ZNF423: variants seen among roughly 807,000 people sequenced by gnomAD.
ZNF423 encodes the protein Ebf-associated zinc finger protein.
A neutral mutation model predicts 95.8 loss-of-function variants in ZNF423; 12 were observed. That is an observed-to-expected ratio of 0.13 (90% CI 0.08 to 0.20). The LOEUF is 0.20. Among genes scored for constraint, ZNF423 ranks in the 10% least tolerant of loss-of-function variants. The pLI is 1.00. For synonymous variants in ZNF423, 749 were observed against 711.9 expected, an observed-to-expected ratio of 1.05 and a Z score of -0.83; for missense variants, 1,316 against 1,737.1, an observed-to-expected ratio of 0.76 and a Z score of 4.31.
intron 1 of ZNF423, among the ~76,000 whole-genome samples, chr16:49,791,606 G>A (rs563693698): frequency 6.6e-6 from 1 of 152,154 alleles, no homozygotes; most frequent in Non-Finnish European, 1.5e-5. Flanking sequence ...CCTTAAGAAT[G>A]ACGTAAAGGT....
chr16:49,527,668 A>G (rs903371595), intron 5 of ZNF423, among the ~76,000 whole-genome samples: 1 of 152,202 alleles, frequency 6.6e-6, no homozygotes, highest in Non-Finnish European at 1.5e-5. Context: ...ACATATTTCA[A>G]TCTCAGAAAT....
chr16:49,515,591 C>T (rs1037359665), intron 7 of ZNF423, among the ~76,000 whole-genome samples: 8 of 152,172 alleles, frequency 5.3e-5, no homozygotes, highest in African/African-American at 1.2e-4. Context: ...GGGCTGTACA[C>T]AATCCATGCA....
chr16:49,773,007 G>A (rs2034060787), intron 2 of ZNF423, among the ~76,000 whole-genome samples: 1 of 152,204 alleles, frequency 6.6e-6, no homozygotes, highest in Non-Finnish European at 1.5e-5. Context: ...GCTGAGCGAA[G>A]GGGGAAGCCC....
At chr16:49,502,435 G>A (rs1385109085) in intron 7 of ZNF423, among the ~76,000 whole-genome samples, 1 of 152,036 alleles carries the variant, frequency 6.6e-6, no homozygotes, top group Non-Finnish European at 1.5e-5. Context: ...GCAAACCTGG[G>A]AGACCAAGGA....
chr16:49,780,846 T>C (rs1189933360), intron 2 of ZNF423, among the ~76,000 whole-genome samples: 1 of 152,260 alleles, frequency 6.6e-6, no homozygotes, highest in Non-Finnish European at 1.5e-5. Flanking sequence ...GTCTTTAAAA[T>C]GCTGGGAAAT....
intron 2 of ZNF423, among the ~76,000 whole-genome samples, chr16:49,783,630 G>C (rs903798522): frequency 2.0e-5 from 3 of 146,738 alleles, no homozygotes; most frequent in Non-Finnish European, 3.0e-5. Flanking sequence ...GCGGGAGAGA[G>C]GGGGGGTTAG....
intron 2 of ZNF423, among the ~76,000 whole-genome samples, chr16:49,754,755 A>C (rs1199350776): frequency 6.6e-6 from 1 of 152,214 alleles, no homozygotes; most frequent in Non-Finnish European, 1.5e-5. Context: ...TTAATGAGGA[A>C]AGCAATCATT....
intron 1 of ZNF423, among the ~76,000 whole-genome samples, chr16:49,844,497 G>A (rs1475283933): frequency 6.6e-6 from 1 of 152,130 alleles, no homozygotes; most frequent in South Asian, 2.1e-4. Flanking sequence ...CTCCTCATCA[G>A]GAACAGAGGC....
rs567301566 is a variant in ZNF423 at position 49,489,844 on chromosome 16, G to A, written c.*1431C>T. ...GAGCACCAGCATGATGGAGGTGTGGGAGGTAACATGGAGGAGGCCTGGAGA... is the reference window on the plus strand; with the variant it reads ...GAGCACCAGCATGATGGAGGTGTGGAAGGTAACATGGAGGAGGCCTGGAGA... On this transcript the variant is annotated 3_prime_UTR_variant, in exon 8 of 8. Coordinates refer to ENST00000563137, the MANE Select transcript of ZNF423 (RefSeq NM_001379286.1). 2 of 152,574 alleles carry A rather than the reference G, an allele frequency of 1.3e-5. No homozygotes were observed. The highest frequency in any genetic ancestry group is 2.9e-5 in the Non-Finnish European group (2 of 68,176). 9.5% of individuals were successfully genotyped at this position (152,574 alleles called of 1,614,324 possible).
intron 5 of ZNF423, among the ~76,000 whole-genome samples, chr16:49,536,801 C>T (rs1464709290): frequency 6.6e-6 from 1 of 152,198 alleles, no homozygotes; most frequent in African/African-American, 2.4e-5. Context: ...CCAGTGACTA[C>T]CACTCTGGGT....
In ZNF423 at chr16:49,638,356, C is replaced by T. The variant is rs1377278772; in HGVS notation, c.820G>A (p.Asp274Asn). The change falls in exon 4 of 8, where the codon GAC becomes AAC. Residue 274 changes from aspartate to asparagine, a missense_variant. Around this residue, in one of 6 missense-constraint regions of ZNF423, gnomAD observed 399 missense variants for 478.5 expected, o/e 0.83. Coordinates refer to ENST00000563137, the MANE Select transcript of ZNF423 (RefSeq NM_001379286.1). This position sits in a 1 kb window ranked among gnomAD's most constrained non-coding sequence, Gnocchi z 5.6. ...KEAKKDDFMC[D>N]YCEDTFSQTE... ...TGGCTGAAGGTGTCCTCGCAGTAGT[C>T]GCACATGAAGTCGTCCTTCTTGGCT... 2.5e-6 allele frequency: 4 copies of T among 1,614,062 alleles called. No individual in the cohort carries two copies. Among genetic ancestry groups the T allele is most frequent in the Non-Finnish European group, 3.4e-6 (4 of 1,180,044 alleles).
intron 1 of ZNF423, among the ~76,000 whole-genome samples, chr16:49,839,201 A>G (rs920262830): frequency 1.3e-5 from 2 of 151,680 alleles, no homozygotes; most frequent in African/African-American, 2.4e-5. Flanking sequence ...CAACTGCGCA[A>G]TCGGACTCCA....
intron 1 of ZNF423, among the ~76,000 whole-genome samples, chr16:49,797,816 A>G (rs932763205): frequency 6.6e-6 from 1 of 152,252 alleles, no homozygotes; most frequent in Non-Finnish European, 1.5e-5. Flanking sequence ...TGAAAGGGAC[A>G]GGACCCTCTG....
intron 3 of ZNF423, among the ~76,000 whole-genome samples, chr16:49,673,076 G>C (rs8049248): frequency 1 from 152,203 of 152,302 alleles, 76,052 homozygotes; most frequent in Middle Eastern, 1. Flanking sequence ...CCACCCCGCC[G>C]TGGTACACAG....
chr16:49,839,198 G>A (rs1419016420), intron 1 of ZNF423, among the ~76,000 whole-genome samples: 5 of 151,156 alleles, frequency 3.3e-5, no homozygotes, highest in African/African-American at 9.7e-5. Context: ...AGGCAACTGC[G>A]CAATCGGACT....
At chr16:49,541,595 G>T (rs1969248872) in intron 5 of ZNF423, among the ~76,000 whole-genome samples, 1 of 152,170 alleles carries the variant, frequency 6.6e-6, no homozygotes, top group African/African-American at 2.4e-5. Context: ...TTCCTGCAAT[G>T]AACATGTATA....
chr16:49,786,468 G>T (rs1182492888), intron 2 of ZNF423, among the ~76,000 whole-genome samples: 2 of 152,218 alleles, frequency 1.3e-5, no homozygotes, highest in African/African-American at 4.8e-5. Context: ...CCAAGAAGAG[G>T]GGCTGCTCCA....
intron 3 of ZNF423, among the ~76,000 whole-genome samples, chr16:49,695,281 A>G (rs2031926352): frequency 6.6e-6 from 1 of 151,948 alleles, no homozygotes; most frequent in Non-Finnish European, 1.5e-5. Flanking sequence ...ACCTGGCTTA[A>G]TTTTTGTATT....
At chr16:49,606,448 G>A (rs1430763977) in intron 5 of ZNF423, among the ~76,000 whole-genome samples, 1 of 152,188 alleles carries the variant, frequency 6.6e-6, no homozygotes, top group Non-Finnish European at 1.5e-5. Flanking sequence ...AAGTTGATAT[G>A]CAGAATGTTT....
Sources: gnomAD v4.1 joint callset for allele counts (sites outside exome capture counted in the v4.1 genomes callset) on GRCh38, gnomAD v4.1.1 for gene constraint, gnomAD v4.1.1 regional missense constraint, Gnocchi (gnomAD v3.1) non-coding constraint, MANE v1.5 for transcripts, NCBI Gene and HGNC (gene_info 2026-07-23, HGNC 2026-07-21) for gene names.